RANBP2: variants seen among roughly 807,000 people sequenced by gnomAD.
RANBP2 encodes E3 SUMO-protein ligase RanBP2.
In RANBP2, 57 loss-of-function variants were observed where a neutral mutation model predicts 303.6. The ratio of observed to expected loss-of-function variants is 0.19; its 90% CI spans 0.15 to 0.23. The LOEUF (loss-of-function observed/expected upper bound fraction) is 0.23. RANBP2 is among the 10% of genes least tolerant of loss of function. The probability of loss-of-function intolerance (pLI) is 1.00; values close to 1 mark genes in which losing one functional copy is unlikely to be tolerated. For missense variants in RANBP2, 3,138 were observed against 3,780.8 expected (o/e 0.83, Z 4.46); for synonymous variants, 1,167 against 1,301.5 (o/e 0.90, Z 2.23).
At chr2:109,288,871 G>A in the RANBP2 span, among the ~76,000 whole-genome samples, 1 of 152,174 alleles carries the variant, frequency 6.6e-6, no homozygotes, top group Non-Finnish European at 1.5e-5. Context: ...ACAGATGGGT[G>A]TTCCGTAAAG....
the RANBP2 span, among the ~76,000 whole-genome samples, chr2:109,376,884 TCCATGGTGAACAGTGA>T: frequency 6.6e-6 from 1 of 152,260 alleles, no homozygotes; most frequent in Middle Eastern, 3.4e-3. Flanking sequence ...CCCCTAAGTT[TCCATGGTGAACAGTGA>T]CCATCCTGTG....
At chr2:109,067,931 C>G in the RANBP2 span, among the ~76,000 whole-genome samples, 1 of 152,220 alleles carries the variant, frequency 6.6e-6, no homozygotes, top group Admixed American at 6.5e-5. Flanking sequence ...GGCTCCAGCT[C>G]CAGCTGCTGG....
chr2:108,781,235 T>TA, intron 25 of RANBP2, 34 bp from the exon 26 acceptor site: 3 of 1,607,576 alleles, frequency 1.9e-6, no homozygotes, highest in Middle Eastern at 1.7e-4. Context: ...AAAAAATAGA[T>TA]ACTAGTGTTT....
At chr2:108,987,791 CT>C in the RANBP2 span, among the ~76,000 whole-genome samples, 2 of 152,236 alleles carry the variant, frequency 1.3e-5, no homozygotes, top group Non-Finnish European at 2.9e-5. Context: ...GGAACGAACG[CT>C]TATTTCCAAG....
the RANBP2 span, among the ~76,000 whole-genome samples, chr2:108,976,990 TAAGATGAA>T: frequency 6.6e-6 from 1 of 152,114 alleles, no homozygotes; most frequent in Non-Finnish European, 1.5e-5. Flanking sequence ...TGACAAATGC[TAAGATGAA>T]AAGGTGTCTG....
the RANBP2 span, among the ~76,000 whole-genome samples, chr2:108,880,432 T>G: frequency 6.6e-6 from 1 of 152,236 alleles, no homozygotes. Context: ...CCATGAATTA[T>G]GAACTTTCTT....
intron 4 of RANBP2, among the ~76,000 whole-genome samples, chr2:108,734,030 C>G (rs567526272): frequency 3.9e-5 from 6 of 151,964 alleles, no homozygotes; most frequent in Admixed American, 2.0e-4. Context: ...AAAAAGCACT[C>G]ATAGTGGTTT....
the RANBP2 span, among the ~76,000 whole-genome samples, chr2:109,263,215 C>T: frequency 1.1e-4 from 16 of 152,124 alleles, no homozygotes; most frequent in South Asian, 2.1e-4. Flanking sequence ...TATAATGACC[C>T]GGCTGTCTTT....
At chr2:109,537,236 A>C in the RANBP2 span, among the ~76,000 whole-genome samples, 1 of 152,220 alleles carries the variant, frequency 6.6e-6, no homozygotes, top group Admixed American at 6.5e-5. Flanking sequence ...CAGTGTTATA[A>C]GAGATTTTTC....
the RANBP2 span, among the ~76,000 whole-genome samples, chr2:109,529,679 T>C: frequency 6.6e-6 from 1 of 152,120 alleles, no homozygotes; most frequent in Non-Finnish European, 1.5e-5. Flanking sequence ...GTGGAAGGCG[T>C]TGAGGGGCGG....
At chr2:109,613,133 G>C in the RANBP2 span, 1 of 1,277,400 alleles carries the variant, frequency 7.8e-7, no homozygotes, top group South Asian at 1.2e-5. Context: ...TGGAAAACTC[G>C]ATGTACACGA....
At chr2:109,224,929 A>G in the RANBP2 span, among the ~76,000 whole-genome samples, 1 of 152,056 alleles carries the variant, frequency 6.6e-6, no homozygotes, top group African/African-American at 2.4e-5. Context: ...GCTAGTGGCT[A>G]CTCTAATGGA....
chr2:109,604,383 A>AAGGGGAGGGGAGGTGAGGGG, the RANBP2 span, among the ~76,000 whole-genome samples: 1 of 64,368 alleles, frequency 1.6e-5, no homozygotes, highest in Non-Finnish European at 2.7e-5. Context: ...AAGGGAAGGG[A>AAGGGGAGGGGAGGTGAGGGG]AGGGGAGGGG....
At chr2:109,760,134 T>C in the RANBP2 span, among the ~76,000 whole-genome samples, 5 of 136,158 alleles carry the variant, frequency 3.7e-5, no homozygotes, top group Admixed American at 1.5e-4. Context: ...AAGTGAATTA[T>C]GTAGGCAGGA....
At chr2:109,351,765 A>C in the RANBP2 span, among the ~76,000 whole-genome samples, 479 of 152,378 alleles carry the variant, frequency 3.1e-3, 3 homozygotes, top group South Asian at 9.9e-3. Flanking sequence ...TGCCATGTGA[A>C]GGAGCCACAG....
At chr2:109,639,756 A>G in the RANBP2 span, among the ~76,000 whole-genome samples, 1 of 150,860 alleles carries the variant, frequency 6.6e-6, no homozygotes, top group African/African-American at 2.4e-5. Flanking sequence ...TCTGTCACCC[A>G]GGCTGGAGTG....
chr2:109,066,321 C>G, the RANBP2 span, among the ~76,000 whole-genome samples: 2 of 152,066 alleles, frequency 1.3e-5, no homozygotes, highest in African/African-American at 4.8e-5. Context: ...GTTGGCCAGG[C>G]TGGTCTTGAA....
intron 1 of RANBP2, among the ~76,000 whole-genome samples, chr2:108,728,411 G>A (rs950650688): frequency 6.6e-6 from 1 of 151,956 alleles, no homozygotes; most frequent in Non-Finnish European, 1.5e-5. Flanking sequence ...CTCCTTCCTT[G>A]GCCTCCTGAG....
At chr2:108,830,925 A>G in the RANBP2 span, among the ~76,000 whole-genome samples, 31 of 152,280 alleles carry the variant, frequency 2.0e-4, no homozygotes, top group African/African-American at 7.2e-4. Flanking sequence ...CTGTAGTCCC[A>G]GCACTTTGGG....
Sources: allele counts gnomAD v4.1 joint callset (sites outside exome capture counted in the v4.1 genomes callset), GRCh38; gene constraint gnomAD v4.1.1; transcripts MANE v1.5; gene names NCBI Gene and HGNC (gene_info 2026-07-23, HGNC 2026-07-21).